Variants in ABCA13 observed in about 807,000 individuals in gnomAD.
The protein encoded by ABCA13 is ATP binding cassette subfamily A member 13, also known as ATP-binding cassette sub-family A member 13.
ABCA13 carries 476 observed loss-of-function variants against 478.7 expected under a neutral mutation model. That is an observed-to-expected ratio of 0.99 (90% CI 0.92 to 1.07). The LOEUF is 1.07. Among genes scored for constraint, ABCA13 ranks in the 50% least tolerant of loss-of-function variants. The pLI is 0.00. For missense variants in ABCA13, 6,060 were observed against 5,910.6 expected, an observed-to-expected ratio of 1.03 and a Z score of -0.83; for synonymous variants, 2,252 against 2,158.9, an observed-to-expected ratio of 1.04 and a Z score of -1.20.
intron 59 of ABCA13, among the ~76,000 whole-genome samples, chr7:48,623,091 G>A (rs924180519): frequency 4.6e-5 from 7 of 152,152 alleles, no homozygotes; most frequent in Admixed American, 4.6e-4. Flanking sequence ...TCCTGCTGGA[G>A]CACTTCCCAG....
chr7:48,537,068 A>G (rs1162337628), intron 55 of ABCA13, among the ~76,000 whole-genome samples: 2 of 152,006 alleles, frequency 1.3e-5, no homozygotes, highest in East Asian at 3.9e-4. Context: ...TTATTTCTAT[A>G]AGTTATATTT....
intron 59 of ABCA13, among the ~76,000 whole-genome samples, chr7:48,643,086 T>G (rs1186417207): frequency 6.6e-6 from 1 of 152,182 alleles, no homozygotes; most frequent in Non-Finnish European, 1.5e-5. Flanking sequence ...GGTAATTCAG[T>G]GTCTGTGTCA....
At position 48,175,962 on chromosome 7, in the gene ABCA13, A is replaced by C. The variant is rs529176830; in HGVS notation, c.69+4410A>C. Among the ~76,000 whole-genome samples the C allele has an allele frequency of 4.6e-5, 7 of 152,288 alleles. No individual in the cohort carries two copies. The East Asian group carries it at 1.4e-3, about 29-fold the overall frequency. ...CTCCTTGGATAGCTCTTAGTTTTGC[A>C]GTCTGTTTGGGTTCTCCCATGTTTT... On this transcript the variant is annotated intron_variant, in intron 1 of 61. Coordinates refer to ENST00000435803, the MANE Select transcript of ABCA13 (RefSeq NM_152701.5).
At chr7:48,497,380 A>G (rs1167411246) in intron 48 of ABCA13, among the ~76,000 whole-genome samples, 3 of 152,188 alleles carry the variant, frequency 2.0e-5, no homozygotes, top group Non-Finnish European at 4.4e-5. Flanking sequence ...TATGATACAT[A>G]TTGTCAGATA....
At chr7:48,612,582 T>C (rs1190803514) in intron 58 of ABCA13, among the ~76,000 whole-genome samples, 2 of 152,212 alleles carry the variant, frequency 1.3e-5, no homozygotes, top group Non-Finnish European at 2.9e-5. Flanking sequence ...ATGTGATTAA[T>C]TGACTTTAGT....
intron 20 of ABCA13, among the ~76,000 whole-genome samples, chr7:48,293,369 C>T (rs1039821511): frequency 8.5e-5 from 13 of 152,114 alleles, no homozygotes; most frequent in Non-Finnish European, 2.9e-5. Context: ...TTTTCCTTTG[C>T]AAGAGAAATT....
intron 55 of ABCA13, among the ~76,000 whole-genome samples, chr7:48,546,631 A>G (rs1011525534): frequency 5.9e-5 from 9 of 151,740 alleles, no homozygotes; most frequent in African/African-American, 2.2e-4. Flanking sequence ...ATTTTAATAT[A>G]TGCAACTGGG....
rs546382027 is a variant in ABCA13 at position 48,410,693 on chromosome 7, A to G, written c.12228+16A>G. The G allele has an allele frequency of 3.6e-5, 57 of 1,602,240 alleles. No individual in the cohort carries two copies. In the South Asian group the frequency reaches 4.0e-4, roughly 11 times the overall value. ...CACGAGGCAGGTAAGGAGTGCAACC[A>G]TTCTATCTCACTGAAGTCCCATTTC... On this transcript the variant is annotated intron_variant, in intron 40 of 61. Coordinates refer to ENST00000435803, the MANE Select transcript of ABCA13 (RefSeq NM_152701.5).
At chr7:48,271,758 A>G (rs1562925650) in intron 16 of ABCA13, 29 bp from the exon 17 acceptor site, 1 of 1,214,060 alleles carries the variant, frequency 8.2e-7, no homozygotes, top group Non-Finnish European at 1.1e-6. Flanking sequence ...TTTTTATTTT[A>G]TACTAAAATA....
At chr7:48,560,338 C>A in intron 55 of ABCA13, among the ~76,000 whole-genome samples, 1 of 152,182 alleles carries the variant, frequency 6.6e-6, no homozygotes. Flanking sequence ...AGTCACTGTG[C>A]TCTTCCTCCC....
chr7:48,329,417 A>G (rs1446828294), intron 27 of ABCA13, among the ~76,000 whole-genome samples: 1 of 152,178 alleles, frequency 6.6e-6, no homozygotes. Flanking sequence ...AGGGCATTAT[A>G]ATTGAGTGTT....
intron 38 of ABCA13, among the ~76,000 whole-genome samples, chr7:48,399,667 A>G (rs781701560): frequency 1.3e-5 from 2 of 152,178 alleles, no homozygotes; most frequent in Non-Finnish European, 2.9e-5. Flanking sequence ...AAGAATAATG[A>G]TAAGAGTAGA....
At chr7:48,594,437 T>C (rs1457936236) in intron 57 of ABCA13, among the ~76,000 whole-genome samples, 2 of 152,086 alleles carry the variant, frequency 1.3e-5, no homozygotes, top group Admixed American at 1.3e-4. Context: ...TTGATCTGTT[T>C]TTTGAATTTC....
At chr7:48,370,429 A>G (rs115436241) in intron 32 of ABCA13, among the ~76,000 whole-genome samples, 1 of 152,042 alleles carries the variant, frequency 6.6e-6, no homozygotes, top group Non-Finnish European at 1.5e-5. Context: ...CCAGTACTAC[A>G]TTGAATAGTA....
chr7:48,307,407 A>C (rs1469080706), intron 23 of ABCA13, among the ~76,000 whole-genome samples: 6 of 152,190 alleles, frequency 3.9e-5, no homozygotes, highest in Admixed American at 1.3e-4. Flanking sequence ...ACCTGTTCTA[A>C]ACATAGAAAA....
chr7:48,455,056 C>G lies in ABCA13; in HGVS notation c.12585C>G (p.Pro4195=), dbSNP rs1352329257. The G allele has an allele frequency of 2.0e-6, 3 of 1,533,174 alleles. No individual in the cohort carries two copies. The highest frequency in any genetic ancestry group is 2.0e-5 in the Admixed American group (1 of 50,540). 95.0% of individuals were successfully genotyped at this position (1,533,174 alleles called of 1,614,324 possible). ...LSGYCGSLAR[P]ATVQGVQLLR... ...CTGCAGGTGGCTCCCTAGCACGGCC[C>G]GCAACTGTGCAGGGCGTCCAGCTGC... Residue 4195 remains proline (P), a synonymous_variant, in exon 43 of 62, where the codon CCC becomes CCG. Coordinates refer to ENST00000435803, the MANE Select transcript of ABCA13 (RefSeq NM_152701.5).
chr7:48,630,912 G>C (rs1255685049), intron 59 of ABCA13, among the ~76,000 whole-genome samples: 4 of 151,606 alleles, frequency 2.6e-5, no homozygotes, highest in East Asian at 1.9e-4. Context: ...GATTAGTGAT[G>C]ATGAGTATTT....
Position 48,237,012 on chromosome 7 carries a change from GTTTT to G in ABCA13, c.898-2210_898-2207del, listed in dbSNP as rs35078208. On this transcript the variant is annotated intron_variant, in intron 8 of 61. Coordinates refer to ENST00000435803, the MANE Select transcript of ABCA13 (RefSeq NM_152701.5). ...CCTCCTTGAGAACTCAGAGGGTAGG[GTTTT>G]TTTTTTTTTTTTTTTTTTGGATAAT... 1.1e-3 allele frequency among the ~76,000 whole-genome samples: 150 copies of G among 130,910 alleles called. 5 individuals carry two copies. The highest frequency in any genetic ancestry group is 2.4e-3 in the South Asian group (10 of 4,092). 85.9% of individuals were successfully genotyped at this position (130,910 alleles called of 152,430 possible).
At chr7:48,393,463 G>A (rs1179602473) in intron 38 of ABCA13, among the ~76,000 whole-genome samples, 1 of 152,164 alleles carries the variant, frequency 6.6e-6, no homozygotes, top group Non-Finnish European at 1.5e-5. Flanking sequence ...ACTGGTAATG[G>A]ACTGCACATT....
Sources: gnomAD v4.1 joint callset for allele counts (sites outside exome capture counted in the v4.1 genomes callset) on GRCh38, gnomAD v4.1.1 for gene constraint, MANE v1.5 for transcripts, NCBI Gene and HGNC (gene_info 2026-07-23, HGNC 2026-07-21) for gene names.